ATF7IP: variants seen among roughly 807,000 people sequenced by gnomAD.
ATF7IP encodes activating transcription factor 7-interacting protein 1.
Under a neutral mutation model 106.4 loss-of-function variants are expected in ATF7IP, and 23 were observed. That is an observed-to-expected ratio of 0.22 (90% confidence interval 0.16 to 0.31). ATF7IP has a LOEUF of 0.31. Ranked by LOEUF, ATF7IP falls within the 10% of genes least tolerant of loss-of-function variation. The pLI is 1.00. For missense variants in ATF7IP, 1,334 were observed against 1,524.3 expected, an observed-to-expected ratio of 0.88 and a Z score of 2.08; for synonymous variants, 542 against 539.0, an observed-to-expected ratio of 1.01 and a Z score of -0.08.
intron 1 of ATF7IP, among the ~76,000 whole-genome samples, chr12:14,374,814 T>C (rs1395988501): frequency 6.6e-6 from 1 of 152,224 alleles, no homozygotes; most frequent in Non-Finnish European, 1.5e-5. Flanking sequence ...TATTAAAGCA[T>C]GTTGTTGCTC....
Position 14,499,824 on chromosome 12 carries a change from CAAAAAAA to C in ATF7IP, c.*1755_*1761del, listed in dbSNP as rs373646215. The C allele has an allele frequency of 6.9e-6, 1 of 144,832 alleles. No homozygotes were observed. The highest frequency in any genetic ancestry group is 6.9e-5 in the Admixed American group (1 of 14,548). The allele number at this position is 144,832 out of a possible 1,614,324, so 9.0% of individuals were successfully genotyped here. The stretch of plus-strand genomic sequence containing the variant: ...GGGAGACAAGAGCGAAACTCTGCCT[CAAAAAAA>C]AAAGAATTTAAAGTATATCCTTTGA... On this transcript the variant is annotated 3_prime_UTR_variant, in exon 15 of 15. Coordinates refer to ENST00000261168, the MANE Select transcript of ATF7IP (RefSeq NM_018179.5).
intron 10 of ATF7IP, among the ~76,000 whole-genome samples, chr12:14,473,275 G>A (rs1179144948): frequency 3.3e-4 from 23 of 69,458 alleles, no homozygotes; most frequent in South Asian, 1.9e-3. Flanking sequence ...TTTTTAGCGC[G>A]CTCTCTCTCT....
At chr12:14,414,510 G>T (rs1941096899) in intron 1 of ATF7IP, among the ~76,000 whole-genome samples, 1 of 152,174 alleles carries the variant, frequency 6.6e-6, no homozygotes, top group Admixed American at 6.5e-5. Context: ...TATTTTATGT[G>T]TGACCCAAGA....
intron 5 of ATF7IP, among the ~76,000 whole-genome samples, chr12:14,446,633 T>A (rs1041897907): frequency 2.6e-5 from 4 of 152,124 alleles, no homozygotes; most frequent in Admixed American, 2.6e-4. Context: ...TTTATAATTC[T>A]CAATGAGAAA....
At chr12:14,456,436 T>C in intron 6 of ATF7IP, 125 bp from the exon 7 acceptor site, 1 of 605,168 alleles carries the variant, frequency 1.7e-6, no homozygotes, top group Non-Finnish European at 2.9e-6. Flanking sequence ...CAGCTGGCAA[T>C]GTTTCCCATT....
chr12:14,397,629 G>T (rs1439072412), intron 1 of ATF7IP, among the ~76,000 whole-genome samples: 1 of 152,052 alleles, frequency 6.6e-6, no homozygotes, highest in Non-Finnish European at 1.5e-5. Flanking sequence ...CTGTCTGTCT[G>T]TAGCTCTCTT....
intron 8 of ATF7IP, among the ~76,000 whole-genome samples, chr12:14,458,038 G>A (rs1251848054): frequency 6.6e-6 from 1 of 151,858 alleles, no homozygotes; most frequent in Non-Finnish European, 1.5e-5. Flanking sequence ...GGAGTTTGCG[G>A]TGAGCCGAGA....
chr12:14,411,482 C>G (rs1940910465), intron 1 of ATF7IP, among the ~76,000 whole-genome samples: 1 of 151,710 alleles, frequency 6.6e-6, no homozygotes, highest in Non-Finnish European at 1.5e-5. Context: ...CACTTGTATA[C>G]CTATGTAACA....
At chr12:14,422,773 G>A (rs1380031661) in intron 1 of ATF7IP, among the ~76,000 whole-genome samples, 1 of 152,104 alleles carries the variant, frequency 6.6e-6, no homozygotes, top group Non-Finnish European at 1.5e-5. Context: ...TAGGGGTATG[G>A]CACATTTTAT....
At chr12:14,472,963 A>G (rs1944109014) in intron 10 of ATF7IP, among the ~76,000 whole-genome samples, 2 of 152,066 alleles carry the variant, frequency 1.3e-5, no homozygotes, top group Non-Finnish European at 2.9e-5. Flanking sequence ...TACTTTTTTC[A>G]GCTTTTTACT....
intron 6 of ATF7IP, among the ~76,000 whole-genome samples, chr12:14,447,961 G>T (rs1943051242): frequency 6.6e-6 from 1 of 151,794 alleles, no homozygotes; most frequent in African/African-American, 2.4e-5. Context: ...TTATCATTTT[G>T]CCACTCTTCT....
At chr12:14,488,189 GACACACACACATGC>G (rs1190712723) in intron 13 of ATF7IP, among the ~76,000 whole-genome samples, 1 of 151,852 alleles carries the variant, frequency 6.6e-6, no homozygotes, top group Non-Finnish European at 1.5e-5. Flanking sequence ...TAATAAGATG[GACACACACACATGC>G]ACACACACAC....
intron 5 of ATF7IP, among the ~76,000 whole-genome samples, chr12:14,444,045 G>T (rs1047854230): frequency 6.6e-6 from 1 of 152,096 alleles, no homozygotes; most frequent in African/African-American, 2.4e-5. Context: ...TAAATAGGAA[G>T]ACTTGATTCC....
At chr12:14,406,089 A>T (rs1313339992) in intron 1 of ATF7IP, among the ~76,000 whole-genome samples, 1 of 152,090 alleles carries the variant, frequency 6.6e-6, no homozygotes, top group Non-Finnish European at 1.5e-5. Flanking sequence ...AAATGTTCTC[A>T]CTTGTATTGC....
chr12:14,445,624 A>G (rs949265668), intron 5 of ATF7IP, among the ~76,000 whole-genome samples: 1 of 152,244 alleles, frequency 6.6e-6, no homozygotes, highest in Non-Finnish European at 1.5e-5. Flanking sequence ...TCCTTAGGGA[A>G]AATCTTTACC....
chr12:14,422,312 T>TACAC (rs59503201), intron 1 of ATF7IP, among the ~76,000 whole-genome samples: 5,185 of 142,246 alleles, frequency 0.036, 102 homozygotes, highest in East Asian at 0.078. Context: ...AAAAAGAGAA[T>TACAC]ACACACACAC....
At chr12:14,430,796 A>G (rs1437489382) in intron 2 of ATF7IP, among the ~76,000 whole-genome samples, 1 of 152,246 alleles carries the variant, frequency 6.6e-6, no homozygotes, top group African/African-American at 2.4e-5. Flanking sequence ...TTACATAAAC[A>G]TAGCTATGGT....
At chr12:14,456,827 A>G (rs1216091376) in intron 7 of ATF7IP, among the ~76,000 whole-genome samples, 193 bp downstream of exon 7, 4 of 152,172 alleles carry the variant, frequency 2.6e-5, no homozygotes, top group East Asian at 1.9e-4. Context: ...AACTTATTAT[A>G]AGGCATTCTT....
chr12:14,388,969 C>T (rs771618093), intron 1 of ATF7IP, among the ~76,000 whole-genome samples: 2 of 152,022 alleles, frequency 1.3e-5, no homozygotes, highest in Non-Finnish European at 2.9e-5. Flanking sequence ...TTCGTTTCTT[C>T]GTCTATAAAA....
Sources: gnomAD v4.1 joint callset for allele counts (sites outside exome capture counted in the v4.1 genomes callset) on GRCh38, gnomAD v4.1.1 for gene constraint, MANE v1.5 for transcripts, NCBI Gene and HGNC (gene_info 2026-07-23, HGNC 2026-07-21) for gene names.